NBAS: variants seen among roughly 807,000 people sequenced by gnomAD.
The protein encoded by NBAS is NBAS subunit of NRZ tethering complex, also known as NAG/BC035112 fusion.
Under a neutral mutation model 302.5 loss-of-function variants are expected in NBAS, and 219 were observed. The ratio of observed to expected loss-of-function variants is 0.72; its 90% CI spans 0.65 to 0.81. The LOEUF is 0.81. Ranked by LOEUF, NBAS falls within the 30% of genes least tolerant of loss-of-function variation. NBAS has a pLI of 0.00. For synonymous variants in NBAS, 1,118 were observed against 1,021.6 expected, an observed-to-expected ratio of 1.09 and a Z score of -1.80; for missense variants, 2,932 against 2,841.6, an observed-to-expected ratio of 1.03 and a Z score of -0.72.
the NBAS span, among the ~76,000 whole-genome samples, chr2:14,967,361 G>A: frequency 6.6e-6 from 1 of 152,124 alleles, no homozygotes; most frequent in African/African-American, 2.4e-5. Flanking sequence ...GAGCAAAGTT[G>A]TAAGACTGAT....
At chr2:14,995,352 G>GTA in the NBAS span, among the ~76,000 whole-genome samples, 1 of 152,124 alleles carries the variant, frequency 6.6e-6, no homozygotes, top group East Asian at 1.9e-4. Context: ...AAAATGATGA[G>GTA]TTCATGTCTT....
the NBAS span, among the ~76,000 whole-genome samples, chr2:14,867,157 C>A: frequency 0.02 from 3,094 of 152,262 alleles, 113 homozygotes; most frequent in African/African-American, 0.07. Context: ...GTGAAGTTTA[C>A]AGACTGCTCT....
chr2:15,028,355 G>A, the NBAS span, among the ~76,000 whole-genome samples: 1 of 152,162 alleles, frequency 6.6e-6, no homozygotes, highest in African/African-American at 2.4e-5. Context: ...CATTCCAGGT[G>A]ATTCTGACAC....
intron 12 of NBAS, among the ~76,000 whole-genome samples, chr2:15,487,096 A>G (rs180856449): frequency 6.6e-5 from 10 of 152,328 alleles, no homozygotes; most frequent in African/African-American, 2.4e-4. Context: ...AATTTTAAAA[A>G]ACAGAAAGCC....
At chr2:15,188,436 T>G (rs1665188946) in intron 49 of NBAS, among the ~76,000 whole-genome samples, 1 of 152,204 alleles carries the variant, frequency 6.6e-6, no homozygotes, top group Non-Finnish European at 1.5e-5. Flanking sequence ...AAAGTACTTC[T>G]GAGCACCTGT....
the NBAS span, among the ~76,000 whole-genome samples, chr2:14,908,280 G>A: frequency 5.3e-5 from 8 of 152,244 alleles, no homozygotes; most frequent in South Asian, 1.7e-3. Flanking sequence ...GGAGAATGAC[G>A]TGAACCCGGG....
At chr2:15,326,343 C>T (rs748787372) in intron 38 of NBAS, among the ~76,000 whole-genome samples, 1 of 152,160 alleles carries the variant, frequency 6.6e-6, no homozygotes, top group Non-Finnish European at 1.5e-5. Flanking sequence ...GGTATGCTCA[C>T]ACTTTATAGA....
chr2:15,390,575 TA>T (rs1207412314), intron 28 of NBAS, among the ~76,000 whole-genome samples: 1 of 150,494 alleles, frequency 6.6e-6, no homozygotes, highest in Non-Finnish European at 1.5e-5. Flanking sequence ...GGGATCACGC[TA>T]AAAGAGTAGA....
chr2:15,059,733 A>AT, the NBAS span, among the ~76,000 whole-genome samples: 1 of 152,212 alleles, frequency 6.6e-6, no homozygotes, highest in Non-Finnish European at 1.5e-5. Context: ...AGGCTGAAGA[A>AT]ATCAGAGATA....
At chr2:15,488,340 A>C (rs1465386416) in intron 12 of NBAS, among the ~76,000 whole-genome samples, 1 of 152,198 alleles carries the variant, frequency 6.6e-6, no homozygotes. Context: ...TTTAAATTAT[A>C]ATATATGTCA....
chr2:15,424,193 A>T (rs1677348228), intron 23 of NBAS, 122 bp downstream of exon 23: 1 of 1,156,214 alleles, frequency 8.6e-7, no homozygotes, highest in Admixed American at 1.8e-5. Flanking sequence ...TATTCAATTC[A>T]TCTCTTGCAA....
rs541210266 is a variant in NBAS at position 15,181,573 on chromosome 2, T to A, written c.6712-2457A>T. On this transcript the variant is annotated intron_variant, in intron 50 of 51. Coordinates refer to ENST00000281513, the MANE Select transcript of NBAS (RefSeq NM_015909.4). ...CAGAGAAAAGCCACAAAACACGTCA[T>A]TTGACAGGCCTTCGCAGTTCAAACC... is the stretch of plus-strand genomic sequence containing the variant. Among the ~76,000 whole-genome samples the A allele has an allele frequency of 7.2e-5, 11 of 152,318 alleles. No individual in the cohort carries two copies. In the South Asian group the frequency reaches 2.3e-3, roughly 32 times the overall value.
chr2:15,346,279 GAATTTACAAGAAACTTAAACA>G (rs1349536945), intron 35 of NBAS, among the ~76,000 whole-genome samples: 7 of 151,856 alleles, frequency 4.6e-5, no homozygotes, highest in Non-Finnish European at 1.0e-4. Context: ...CCAATATCCA[GAATTTACAAGAAACTTAAACA>G]AATTTACAAC....
the NBAS span, among the ~76,000 whole-genome samples, chr2:15,036,670 T>G: frequency 7.9e-5 from 12 of 151,844 alleles, no homozygotes; most frequent in Non-Finnish European, 1.6e-4. Context: ...GCAGAGTGAC[T>G]TTAGTACTGG....
chr2:15,353,560 T>G lies in NBAS; in HGVS notation c.4082A>C (p.Gln1361Pro). The stretch of plus-strand genomic sequence containing the variant: ...CTTTATCGAAGGACTTACTTCTGTC[T>G]GCAGAGAGCTGCTAGCTGCCAAAAG... ...ELLLAASSSLQTEILYQRVNF... is the reference protein window; with the variant it reads ...ELLLAASSSLPTEILYQRVNF... Residue 1361 changes from glutamine (Q) to proline (P), a missense_variant, in exon 34 of 52, where the codon CAG (glutamine) becomes CCG (proline). By Grantham distance (76) the Gln-to-Pro change is moderately conservative. Transcript: ENST00000281513. 6.2e-7 allele frequency: 1 copy of G among 1,614,030 alleles called. No individual in the cohort carries two copies. Among genetic ancestry groups the G allele is most frequent in the South Asian group, 1.1e-5 (1 of 91,084 alleles).
chr2:15,330,661 C>G lies in NBAS; in HGVS notation c.4284G>C (p.Val1428=). 6.2e-7 allele frequency: 1 copy of G among 1,614,056 alleles called. No homozygotes were observed. The highest frequency in any genetic ancestry group is 8.5e-7 in the Non-Finnish European group (1 of 1,179,970). Reference sequence around the variant, plus strand: ...ACTGCCCATCACTGACGGCCTGCAGCACCGCTTTGGTGGTGGTTGTGGTGT... The same window carrying G: ...ACTGCCCATCACTGACGGCCTGCAGGACCGCTTTGGTGGTGGTTGTGGTGT... ...LSNTTTTTKA[V]LQAVSDGQWW... Residue 1428 remains valine (V), a synonymous_variant, in exon 36 of 52, where the codon GTG becomes GTC. Coordinates refer to ENST00000281513, the MANE Select transcript of NBAS (RefSeq NM_015909.4).
the NBAS span, among the ~76,000 whole-genome samples, chr2:15,034,255 A>AGAAAGAAAGAAG: frequency 1.0e-5 from 1 of 96,562 alleles, no homozygotes; most frequent in Non-Finnish European, 2.1e-5. Context: ...AAAGAAAGAA[A>AGAAAGAAAGAAG]GAAAGAAAGA....
At chr2:15,406,127 A>AAG (rs1220434252) in intron 25 of NBAS, among the ~76,000 whole-genome samples, 1 of 151,476 alleles carries the variant, frequency 6.6e-6, no homozygotes, top group African/African-American at 2.4e-5. Flanking sequence ...AAAACAAAAA[A>AAG]ACATGAGGAA....
intron 9 of NBAS, among the ~76,000 whole-genome samples, chr2:15,524,448 T>G (rs531218054): frequency 6.6e-6 from 1 of 152,184 alleles, no homozygotes; most frequent in Non-Finnish European, 1.5e-5. Context: ...CTGACTGGCA[T>G]GTTGTAGGCT....
Sources: allele counts gnomAD v4.1 joint callset (sites outside exome capture counted in the v4.1 genomes callset), GRCh38; gene constraint gnomAD v4.1.1; transcripts MANE v1.5; gene names NCBI Gene and HGNC (gene_info 2026-07-23, HGNC 2026-07-21).